The following TBC1D19 variants were observed in gnomAD, a reference collection of about 807,000 sequenced individuals.
TBC1D19 encodes the protein TBC1 domain family, member 19.
Under a neutral mutation model 89.0 loss-of-function variants are expected in TBC1D19, and 60 were observed. The ratio of observed to expected loss-of-function variants is 0.67; its 90% CI spans 0.55 to 0.84. TBC1D19 has a LOEUF of 0.84. Ranked by LOEUF, TBC1D19 falls within the 40% of genes least tolerant of loss-of-function variation. The pLI is 0.00. For missense variants in TBC1D19, 500 were observed against 610.8 expected (o/e 0.82, Z 1.91); for synonymous variants, 189 against 199.7 (o/e 0.95, Z 0.45).
the TBC1D19 span, among the ~76,000 whole-genome samples, chr4:26,832,276 G>A: frequency 1.3e-5 from 2 of 152,134 alleles, no homozygotes; most frequent in Admixed American, 6.5e-5. Context: ...CTCTGGGTGG[G>A]AAATCCTTCC....
At chr4:26,660,218 G>A (rs1472259868) in intron 8 of TBC1D19, among the ~76,000 whole-genome samples, 2 of 152,008 alleles carry the variant, frequency 1.3e-5, no homozygotes, top group Non-Finnish European at 2.9e-5. Context: ...TCCTGATGGT[G>A]GAATTAAGAA....
chr4:26,695,029 A>G (rs759789997), intron 13 of TBC1D19, among the ~76,000 whole-genome samples: 2 of 152,226 alleles, frequency 1.3e-5, no homozygotes, highest in Non-Finnish European at 2.9e-5. Flanking sequence ...AGCAACGGAA[A>G]AAAGCTGGAT....
Position 26,735,481 on chromosome 4 carries a change from A to G in TBC1D19, c.1111A>G (p.Met371Val). ...NGVIPFHGFS[M>V]YVAPLCFLYH... ...TGTTATCCCTTTTCATGGATTTTCA[A>G]TGTATGGTAAGTTGGGCTTTAAAAA... The change falls in exon 16 of 21, where the codon ATG (methionine) becomes GTG (valine). Residue 371 changes from methionine to valine, a missense_variant. Physicochemically the swap from Met to Val is conservative, Grantham distance 21. Transcript: ENST00000264866. 6 of 1,565,736 alleles carry G rather than the reference A, an allele frequency of 3.8e-6. No individual in the cohort carries two copies. Among genetic ancestry groups the G allele is most frequent in the African/African-American group, 1.4e-5 (1 of 73,224 alleles).
At chr4:26,767,994 C>T in the TBC1D19 span, among the ~76,000 whole-genome samples, 1 of 152,030 alleles carries the variant, frequency 6.6e-6, no homozygotes, top group South Asian at 2.1e-4. Flanking sequence ...TTAGGAGTTC[C>T]AGGAGGCCAA....
chr4:26,855,686 T>G, the TBC1D19 span, among the ~76,000 whole-genome samples: 1 of 152,240 alleles, frequency 6.6e-6, no homozygotes, highest in Non-Finnish European at 1.5e-5. Context: ...ACTTTTCTTC[T>G]CCTTGCTGAT....
At chr4:26,684,074 A>C (rs1185460830) in intron 12 of TBC1D19, among the ~76,000 whole-genome samples, 1 of 152,208 alleles carries the variant, frequency 6.6e-6, no homozygotes, top group Non-Finnish European at 1.5e-5. Context: ...AAACCGGATT[A>C]TAATATTTTT....
intron 11 of TBC1D19, among the ~76,000 whole-genome samples, chr4:26,682,607 G>A (rs988721064): frequency 1.3e-5 from 2 of 152,316 alleles, no homozygotes; most frequent in African/African-American, 4.8e-5. Flanking sequence ...TTGGGTTTGA[G>A]AGGAGGCTAG....
In TBC1D19 at chr4:26,686,423, T is replaced by G. The variant is rs184932522; in HGVS notation, c.892-1922T>G. On this transcript the variant is annotated intron_variant, in intron 12 of 20. Transcript: ENST00000264866. ...ATTAAATGGTTTTGTGTTTTGTTTT[T>G]TTTTTTAACAAACTTGCCTTGTATC... 7.0e-4 allele frequency among the ~76,000 whole-genome samples: 106 copies of G among 152,172 alleles called. 1 individual carries two copies. Among genetic ancestry groups the G allele is most frequent in the Middle Eastern group, 6.8e-3 (2 of 294 alleles).
At position 26,744,891 on chromosome 4, in the gene TBC1D19, G is replaced by A. The variant is rs142589395; in HGVS notation, c.1319+2292G>A. ...TCAAGGAATCAAGTTTGTTAATAAT[G>A]ATGTTCAAACCTTGTATACACTTAC... On this transcript the variant is annotated intron_variant, in intron 18 of 20. Transcript: ENST00000264866. Among the ~76,000 whole-genome samples the A allele has an allele frequency of 6.1e-3, 935 of 152,164 alleles. 1 individual carries two copies. Among genetic ancestry groups the A allele is most frequent in the Non-Finnish European group, 0.011 (729 of 67,966 alleles).
At chr4:26,719,100 G>C (rs1271986892) in intron 14 of TBC1D19, among the ~76,000 whole-genome samples, 3 of 152,034 alleles carry the variant, frequency 2.0e-5, no homozygotes, top group Non-Finnish European at 4.4e-5. Flanking sequence ...GTCTGTGCTA[G>C]AAAAGTTAGC....
chr4:26,590,945 A>G (rs1435901046), intron 1 of TBC1D19, among the ~76,000 whole-genome samples: 2 of 150,968 alleles, frequency 1.3e-5, no homozygotes, highest in Non-Finnish European at 3.0e-5. Flanking sequence ...ACCCATGTAC[A>G]TGGCTACTGT....
At chr4:26,644,608 A>G (rs752479785) in intron 7 of TBC1D19, among the ~76,000 whole-genome samples, 5 of 152,226 alleles carry the variant, frequency 3.3e-5, no homozygotes, top group Admixed American at 6.5e-5. Context: ...AAGGTTTTCA[A>G]TTAGGAAAAG....
intron 18 of TBC1D19, among the ~76,000 whole-genome samples, chr4:26,743,165 C>G (rs1325960860): frequency 6.6e-6 from 1 of 151,928 alleles, no homozygotes; most frequent in African/African-American, 2.4e-5. Flanking sequence ...TTCTATCTCT[C>G]TCTTTTAAAA....
chr4:26,681,557 A>AAT lies in TBC1D19; in HGVS notation c.817-2106_817-2105dup, dbSNP rs1553908693. On this transcript the variant is annotated intron_variant, in intron 11 of 20. Coordinates refer to ENST00000264866, the MANE Select transcript of TBC1D19 (RefSeq NM_018317.4). ...CAGAGTGAGACGCCGTCTCAAAAAA[A>AAT]ATATATATATATACAGCCTTCAGTC... Among the ~76,000 whole-genome samples the AAT allele has an allele frequency of 6.1e-4, 93 of 151,716 alleles. 1 individual carries two copies. The highest frequency in any genetic ancestry group is 6.8e-3 in the Middle Eastern group (2 of 294).
intron 16 of TBC1D19, among the ~76,000 whole-genome samples, chr4:26,737,084 T>C (rs1193130723): frequency 2.0e-5 from 3 of 152,214 alleles, no homozygotes; most frequent in Non-Finnish European, 4.4e-5. Context: ...CACTTTTCTT[T>C]GTAAACATCA....
At chr4:26,616,692 A>G (rs1741723155) in intron 3 of TBC1D19, among the ~76,000 whole-genome samples, 1 of 152,202 alleles carries the variant, frequency 6.6e-6, no homozygotes, top group African/African-American at 2.4e-5. Flanking sequence ...TTTAGTAAGC[A>G]TTACAAAGAT....
the TBC1D19 span, among the ~76,000 whole-genome samples, chr4:26,849,057 T>C: frequency 0.42 from 63,200 of 151,944 alleles, 14,053 homozygotes; most frequent in Middle Eastern, 0.64. Context: ...CCTGTAGTCC[T>C]GGCTACTCAG....
At chr4:26,736,222 T>C (rs573086111) in intron 16 of TBC1D19, among the ~76,000 whole-genome samples, 1 of 111,900 alleles carries the variant, frequency 8.9e-6, no homozygotes, top group Non-Finnish European at 1.9e-5. Context: ...CCATAAAAAA[T>C]GATGAGTTCA....
At chr4:26,767,842 C>T in the TBC1D19 span, among the ~76,000 whole-genome samples, 1 of 152,154 alleles carries the variant, frequency 6.6e-6, no homozygotes, top group East Asian at 1.9e-4. Flanking sequence ...TAATAGTTCT[C>T]AAGATATGGG....
Sources: allele counts gnomAD v4.1 joint callset (sites outside exome capture counted in the v4.1 genomes callset), GRCh38; gene constraint gnomAD v4.1.1; transcripts MANE v1.5; gene names NCBI Gene and HGNC (gene_info 2026-07-23, HGNC 2026-07-21).